Variants in BLTP3A observed in about 807,000 individuals in gnomAD.
The protein encoded by BLTP3A is bridge-like lipid transfer protein family member 3A.
chr6:34,867,224 G>A, the BLTP3A span: 2 of 1,602,906 alleles, frequency 1.2e-6, no homozygotes, highest in Non-Finnish European at 1.7e-6. Flanking sequence ...TTTTCATGCA[G>A]AGTCTGGTCC....
chr6:34,825,511 TAGTC>T, the BLTP3A span, among the ~76,000 whole-genome samples: 1 of 152,330 alleles, frequency 6.6e-6, no homozygotes, highest in African/African-American at 2.4e-5. Context: ...TTCACCATGT[TAGTC>T]AGGCTGGTCT....
the BLTP3A span, among the ~76,000 whole-genome samples, chr6:34,825,934 A>T: frequency 6.6e-6 from 1 of 151,434 alleles, no homozygotes; most frequent in African/African-American, 2.4e-5. Flanking sequence ...GTAAATACCT[A>T]GTTATGGTAT....
chr6:34,839,950 G>T, the BLTP3A span, among the ~76,000 whole-genome samples: 2 of 152,354 alleles, frequency 1.3e-5, no homozygotes, highest in East Asian at 3.9e-4. Context: ...GTGCCGTGCC[G>T]TCCAAGCTGA....
the BLTP3A span, chr6:34,875,621 C>T: frequency 6.6e-6 from 1 of 152,032 alleles, no homozygotes; most frequent in Non-Finnish European, 1.5e-5. Flanking sequence ...CTAAAGGAGT[C>T]CAGAGCTCTT....
At chr6:34,843,075 C>T in the BLTP3A span, among the ~76,000 whole-genome samples, 1 of 152,110 alleles carries the variant, frequency 6.6e-6, no homozygotes, top group Non-Finnish European at 1.5e-5. Flanking sequence ...CCTCAACTTC[C>T]CAGACTCAAA....
chr6:34,840,892 G>A, the BLTP3A span, among the ~76,000 whole-genome samples: 1 of 152,122 alleles, frequency 6.6e-6, no homozygotes, highest in African/African-American at 2.4e-5. Flanking sequence ...GATTATAGGC[G>A]TGAGCCACCA....
chr6:34,819,512 A>T, the BLTP3A span, among the ~76,000 whole-genome samples: 6 of 152,130 alleles, frequency 3.9e-5, no homozygotes, highest in Non-Finnish European at 8.8e-5. Context: ...GATTAGGAAG[A>T]ATGGCCAAGA....
chr6:34,829,372 C>T, the BLTP3A span, among the ~76,000 whole-genome samples: 8 of 152,276 alleles, frequency 5.3e-5, no homozygotes, highest in East Asian at 1.5e-3. Flanking sequence ...ACTTCTTTCA[C>T]TTAGCATAAT....
the BLTP3A span, among the ~76,000 whole-genome samples, chr6:34,820,010 A>G: frequency 4.3e-3 from 658 of 152,328 alleles, 5 homozygotes; most frequent in African/African-American, 0.015. Flanking sequence ...TGGGAAGACT[A>G]CAGGTGACTG....
At chr6:34,858,776 T>C in the BLTP3A span, 3 of 1,614,198 alleles carry the variant, frequency 1.9e-6, no homozygotes, top group Admixed American at 3.3e-5. Flanking sequence ...AAAGGGCCTC[T>C]GACAGAGCTG....
chr6:34,875,193 T>C, the BLTP3A span: 1 of 152,604 alleles, frequency 6.6e-6, no homozygotes, highest in African/African-American at 2.4e-5. Context: ...CAAGGAATTA[T>C]AGAAAAGTAG....
the BLTP3A span, among the ~76,000 whole-genome samples, chr6:34,869,640 C>CTT: frequency 0.011 from 885 of 81,464 alleles, 265 homozygotes; most frequent in African/African-American, 0.031. Flanking sequence ...ACATACACCA[C>CTT]TTTTTTTTTT....
At chr6:34,867,084 CTAGT>C in the BLTP3A span, 1 of 856,848 alleles carries the variant, frequency 1.2e-6, no homozygotes, top group Non-Finnish European at 1.7e-6. Context: ...CATCAAATAT[CTAGT>C]TAGTCCTCAA....
At chr6:34,858,949 C>A in the BLTP3A span, 1 of 1,614,114 alleles carries the variant, frequency 6.2e-7, no homozygotes, top group Non-Finnish European at 8.5e-7. Context: ...GTCTCCCCTG[C>A]AGAATCAGAC....
At chr6:34,848,930 G>T in the BLTP3A span, among the ~76,000 whole-genome samples, 1 of 141,260 alleles carries the variant, frequency 7.1e-6, no homozygotes. Flanking sequence ...TTCCTCTAGT[G>T]CTACATTTTA....
chr6:34,850,972 G>T, the BLTP3A span, among the ~76,000 whole-genome samples: 1 of 151,968 alleles, frequency 6.6e-6, no homozygotes, highest in East Asian at 1.9e-4. Flanking sequence ...TGGGATTATA[G>T]GCAAGAGCCA....
the BLTP3A span, among the ~76,000 whole-genome samples, chr6:34,824,006 G>A: frequency 6.6e-6 from 1 of 150,614 alleles, no homozygotes; most frequent in African/African-American, 2.4e-5. Flanking sequence ...GCAGTGGTGT[G>A]ATCTTGGCTC....
the BLTP3A span, among the ~76,000 whole-genome samples, chr6:34,803,284 C>G: frequency 2.0e-5 from 3 of 151,562 alleles, no homozygotes; most frequent in Non-Finnish European, 2.9e-5. Flanking sequence ...AAACTGGTGA[C>G]TTAGTATGAA....
At chr6:34,795,583 A>G in the BLTP3A span, among the ~76,000 whole-genome samples, 1 of 118,646 alleles carries the variant, frequency 8.4e-6, no homozygotes, top group Non-Finnish European at 1.8e-5. Context: ...TTTTTTTTTT[A>G]GTAGAGACAG....
Sources: allele counts gnomAD v4.1 joint callset (sites outside exome capture counted in the v4.1 genomes callset), GRCh38; gene constraint gnomAD v4.1.1; transcripts MANE v1.5; gene names NCBI Gene and HGNC (gene_info 2026-07-23, HGNC 2026-07-21).